PPARGC1A: variants seen among roughly 807,000 people sequenced by gnomAD.
PPARGC1A encodes the protein peroxisome proliferator-activated receptor gamma coactivator 1-alpha.
A neutral mutation model predicts 88.7 loss-of-function variants in PPARGC1A; 25 were observed. That is an observed-to-expected ratio of 0.28 (90% CI 0.21 to 0.39). The LOEUF is 0.39. Ranked by LOEUF, PPARGC1A falls within the 10% of genes least tolerant of loss-of-function variation. PPARGC1A has a pLI of 1.00. For missense variants in PPARGC1A, 880 were observed against 968.7 expected (o/e 0.91, Z 1.22); for synonymous variants, 363 against 355.6 (o/e 1.02, Z -0.24).
chr4:24,043,141 G>T, the PPARGC1A span, among the ~76,000 whole-genome samples: 1 of 152,142 alleles, frequency 6.6e-6, no homozygotes, highest in African/African-American at 2.4e-5. Flanking sequence ...ATGGAATCAG[G>T]AGATGACTTT....
At chr4:24,184,126 T>C in the PPARGC1A span, among the ~76,000 whole-genome samples, 2 of 152,322 alleles carry the variant, frequency 1.3e-5, no homozygotes, top group African/African-American at 4.8e-5. Context: ...ATGAAAATTC[T>C]AGGATGCCAA....
At chr4:23,824,179 A>C (rs999142870) in intron 7 of PPARGC1A, 101 bp downstream of exon 7, 2 of 935,678 alleles carry the variant, frequency 2.1e-6, no homozygotes, top group Admixed American at 2.2e-5. Context: ...ATTCTTTGTT[A>C]ATTTCATTAA....
the PPARGC1A span, among the ~76,000 whole-genome samples, chr4:24,453,060 C>T: frequency 6.6e-6 from 1 of 152,250 alleles, no homozygotes; most frequent in East Asian, 1.9e-4. Flanking sequence ...AGTATGACAG[C>T]TGTCATTATA....
At chr4:23,898,021 T>C (rs1462956403) in intron 1 of PPARGC1A, among the ~76,000 whole-genome samples, 1 of 152,210 alleles carries the variant, frequency 6.6e-6, no homozygotes, top group Non-Finnish European at 1.5e-5. Flanking sequence ...GTGGATATTA[T>C]ATTCAGGGTT....
chr4:24,294,725 T>C, the PPARGC1A span, among the ~76,000 whole-genome samples: 1 of 152,202 alleles, frequency 6.6e-6, no homozygotes, highest in Non-Finnish European at 1.5e-5. Flanking sequence ...ATCTCTTCCT[T>C]TGAAAGATAA....
chr4:24,260,865 T>C, the PPARGC1A span, among the ~76,000 whole-genome samples: 1 of 152,200 alleles, frequency 6.6e-6, no homozygotes, highest in Non-Finnish European at 1.5e-5. Flanking sequence ...TTTTCCCAGT[T>C]TGGGTCTCCA....
At chr4:23,812,657 T>G (rs1336125236) in intron 10 of PPARGC1A, 90 bp downstream of exon 10, 1 of 1,579,796 alleles carries the variant, frequency 6.3e-7, no homozygotes, top group Non-Finnish European at 8.6e-7. Flanking sequence ...AGACTTAGCT[T>G]TTGTTTATTT....
chr4:24,291,717 G>C, the PPARGC1A span, among the ~76,000 whole-genome samples: 1 of 152,170 alleles, frequency 6.6e-6, no homozygotes, highest in African/African-American at 2.4e-5. Context: ...TGAACTCAGC[G>C]GCTCTGGGGC....
At chr4:23,951,984 C>T in the PPARGC1A span, among the ~76,000 whole-genome samples, 2 of 152,046 alleles carry the variant, frequency 1.3e-5, no homozygotes, top group South Asian at 2.1e-4. Context: ...TTCATTTCCT[C>T]CCACTTCCCC....
intron 5 of PPARGC1A, chr4:23,825,356 GT>G (rs1294976496): frequency 6.6e-6 from 1 of 152,114 alleles, no homozygotes; most frequent in Non-Finnish European, 1.5e-5. Flanking sequence ...ATGTTTATGT[GT>G]ATGTAGGTTT....
chr4:23,951,336 A>T, the PPARGC1A span, among the ~76,000 whole-genome samples: 1 of 152,120 alleles, frequency 6.6e-6, no homozygotes, highest in Non-Finnish European at 1.5e-5. Context: ...GTGTTTATAC[A>T]GGGAGCTACA....
the PPARGC1A span, among the ~76,000 whole-genome samples, chr4:23,932,305 G>GCTTAGTTCCTCC: frequency 5.9e-5 from 9 of 152,044 alleles, no homozygotes; most frequent in African/African-American, 1.9e-4. Context: ...TTAGTTCCTC[G>GCTTAGTTCCTCC]CTTGGCTGGG....
chr4:24,262,002 C>T, the PPARGC1A span, among the ~76,000 whole-genome samples: 3 of 152,208 alleles, frequency 2.0e-5, no homozygotes, highest in African/African-American at 4.8e-5. Flanking sequence ...CAGACCCATA[C>T]TTAGGAATCC....
At chr4:24,337,294 C>T in the PPARGC1A span, among the ~76,000 whole-genome samples, 26 of 152,252 alleles carry the variant, frequency 1.7e-4, no homozygotes, top group African/African-American at 6.3e-4. Context: ...CACCTTTTTG[C>T]AAGACAAGCC....
chr4:24,319,648 AG>A, the PPARGC1A span, among the ~76,000 whole-genome samples: 2 of 152,228 alleles, frequency 1.3e-5, no homozygotes, highest in Non-Finnish European at 2.9e-5. Flanking sequence ...GTTTTCCCCA[AG>A]TAGCTTAGTG....
chr4:24,026,270 C>T, the PPARGC1A span, among the ~76,000 whole-genome samples: 1 of 152,148 alleles, frequency 6.6e-6, no homozygotes, highest in Non-Finnish European at 1.5e-5. Context: ...CATTCATTTG[C>T]ATGATCTGTG....
At chr4:24,018,005 A>G in the PPARGC1A span, among the ~76,000 whole-genome samples, 1 of 152,212 alleles carries the variant, frequency 6.6e-6, no homozygotes, top group South Asian at 2.1e-4. Context: ...AGATATATTC[A>G]GCTGGAAGCC....
At chr4:24,363,521 A>G in the PPARGC1A span, among the ~76,000 whole-genome samples, 1 of 152,178 alleles carries the variant, frequency 6.6e-6, no homozygotes, top group Admixed American at 6.5e-5. Context: ...ACTTAGTGCC[A>G]AAAAACACAG....
chr4:24,201,049 C>A, the PPARGC1A span, among the ~76,000 whole-genome samples: 1 of 152,160 alleles, frequency 6.6e-6, no homozygotes, highest in African/African-American at 2.4e-5. Flanking sequence ...AGACAAGACT[C>A]CCTACTTCAA....
Sources: gnomAD v4.1 joint callset for allele counts (sites outside exome capture counted in the v4.1 genomes callset) on GRCh38, gnomAD v4.1.1 for gene constraint, MANE v1.5 for transcripts, NCBI Gene and HGNC (gene_info 2026-07-23, HGNC 2026-07-21) for gene names.